Variants in EXOC4 observed in about 807,000 individuals in gnomAD.
The protein encoded by EXOC4 is exocyst complex component 4, also known as SEC8-like 1.
In EXOC4, 71 loss-of-function variants were observed where a neutral mutation model predicts 107.2. The observed-to-expected ratio is 0.66, with a 90% CI of 0.55 to 0.81. EXOC4 has a LOEUF of 0.81. Ranked by LOEUF, EXOC4 falls within the 30% of genes least tolerant of loss-of-function variation. The probability of loss-of-function intolerance (pLI) is 0.00; values close to 1 mark genes in which losing one functional copy is unlikely to be tolerated. For synonymous variants in EXOC4, 456 were observed against 441.2 expected (o/e 1.03, Z -0.42); for missense variants, 1,108 against 1,189.6 (o/e 0.93, Z 1.01).
chr7:133,283,770 C>A (rs542638776), intron 2 of EXOC4, among the ~76,000 whole-genome samples: 2 of 152,200 alleles, frequency 1.3e-5, no homozygotes, highest in Non-Finnish European at 2.9e-5. Flanking sequence ...TCTCTCACAT[C>A]CTGCTCCAAG....
At chr7:133,493,405 C>A (rs1057225106) in intron 9 of EXOC4, among the ~76,000 whole-genome samples, 1 of 152,146 alleles carries the variant, frequency 6.6e-6, no homozygotes, top group Non-Finnish European at 1.5e-5. Flanking sequence ...CCATTGCACT[C>A]CGGCCTGGGC....
intron 5 of EXOC4, among the ~76,000 whole-genome samples, chr7:133,330,262 G>A (rs1265807243): frequency 1.3e-5 from 2 of 152,082 alleles, no homozygotes; most frequent in African/African-American, 2.4e-5. Context: ...AATGGCAGAC[G>A]CCCCTCCCCC....
chr7:133,647,204 A>G (rs1428273149), intron 10 of EXOC4, among the ~76,000 whole-genome samples: 3 of 152,214 alleles, frequency 2.0e-5, no homozygotes, highest in African/African-American at 7.2e-5. Context: ...TGGATCATAT[A>G]CAAGAAAGTA....
At chr7:133,897,296 C>G (rs929123259) in intron 12 of EXOC4, among the ~76,000 whole-genome samples, 1 of 152,004 alleles carries the variant, frequency 6.6e-6, no homozygotes, top group African/African-American at 2.4e-5. Flanking sequence ...TCCCAATAAC[C>G]TTTTATGTTC....
chr7:133,575,931 T>C (rs10954419), intron 9 of EXOC4, among the ~76,000 whole-genome samples: 95,501 of 151,998 alleles, frequency 0.63, 31,123 homozygotes, highest in South Asian at 0.73. Context: ...GAAAAGGGCT[T>C]TGGTAATTGC....
intron 10 of EXOC4, among the ~76,000 whole-genome samples, chr7:133,747,781 T>A (rs1415600219): frequency 6.6e-6 from 1 of 152,054 alleles, no homozygotes; most frequent in Non-Finnish European, 1.5e-5. Context: ...ACTCTGTTGC[T>A]CCCCGCTCCT....
intron 13 of EXOC4, among the ~76,000 whole-genome samples, chr7:133,925,205 G>A (rs748213914): frequency 8.6e-5 from 13 of 152,026 alleles, no homozygotes; most frequent in Middle Eastern, 3.4e-3. Flanking sequence ...TAAAGGTTAC[G>A]TTCCCTTCAT....
At chr7:133,770,436 G>C (rs1796222604) in intron 10 of EXOC4, among the ~76,000 whole-genome samples, 1 of 151,874 alleles carries the variant, frequency 6.6e-6, no homozygotes. Context: ...AGTTGTTGCT[G>C]TAAACCATAA....
chr7:133,421,008 A>G (rs1797592060), intron 7 of EXOC4, among the ~76,000 whole-genome samples: 1 of 151,414 alleles, frequency 6.6e-6, no homozygotes, highest in Admixed American at 6.6e-5. Context: ...TTCCATTTTG[A>G]TGATAGGGGT....
At chr7:133,700,235 T>C (rs1236006372) in intron 10 of EXOC4, among the ~76,000 whole-genome samples, 2 of 152,198 alleles carry the variant, frequency 1.3e-5, no homozygotes, top group African/African-American at 4.8e-5. Context: ...ACCAAAGAGA[T>C]TGATTTAACA....
chr7:133,394,689 G>T (rs772739692), intron 7 of EXOC4, among the ~76,000 whole-genome samples: 4 of 152,066 alleles, frequency 2.6e-5, no homozygotes, highest in Admixed American at 6.6e-5. Context: ...CATAATCAAA[G>T]AATTAAACAT....
chr7:133,606,680 A>C (rs1801956833), intron 9 of EXOC4, among the ~76,000 whole-genome samples: 1 of 151,576 alleles, frequency 6.6e-6, no homozygotes, highest in South Asian at 2.1e-4. Context: ...ACACCTGGCT[A>C]ATTTTTTGTA....
At chr7:133,817,919 T>C (rs1797413797) in intron 11 of EXOC4, among the ~76,000 whole-genome samples, 1 of 152,186 alleles carries the variant, frequency 6.6e-6, no homozygotes. Flanking sequence ...CAACTTCAAT[T>C]ACCAGCAGGA....
chr7:133,732,371 CTGATGGGT>C (rs1276492147), intron 10 of EXOC4: 1 of 152,274 alleles, frequency 6.6e-6, no homozygotes, highest in Non-Finnish European at 1.5e-5. Flanking sequence ...GTGCAGCAAA[CTGATGGGT>C]TGATAGGTGC....
chr7:134,089,850 A>G, the EXOC4 span, among the ~76,000 whole-genome samples: 4 of 152,152 alleles, frequency 2.6e-5, no homozygotes, highest in Non-Finnish European at 4.4e-5. Flanking sequence ...CTAATTCCAC[A>G]TGTCCCCAGG....
At chr7:133,435,689 A>G (rs899792702) in intron 7 of EXOC4, among the ~76,000 whole-genome samples, 1 of 152,146 alleles carries the variant, frequency 6.6e-6, no homozygotes, top group African/African-American at 2.4e-5. Context: ...AAACACCTTT[A>G]TTGTAGAATT....
At chr7:134,051,611 G>A (rs2116582015) in intron 17 of EXOC4, among the ~76,000 whole-genome samples, 1 of 151,918 alleles carries the variant, frequency 6.6e-6, no homozygotes, top group Admixed American at 6.6e-5. Flanking sequence ...GGCAGAGGTT[G>A]CAGTGAGCCG....
At chr7:133,896,142 T>G (rs1387519510) in intron 12 of EXOC4, among the ~76,000 whole-genome samples, 3 of 152,206 alleles carry the variant, frequency 2.0e-5, no homozygotes, top group Non-Finnish European at 4.4e-5. Flanking sequence ...ATATTCTTCC[T>G]GATATTTAAT....
chr7:133,835,595 C>T (rs772670179), intron 11 of EXOC4, among the ~76,000 whole-genome samples: 20 of 152,262 alleles, frequency 1.3e-4, no homozygotes, highest in Non-Finnish European at 2.4e-4. Flanking sequence ...CAGTTTCCAG[C>T]TTCGCTTTCT....
Sources: allele counts gnomAD v4.1 joint callset (sites outside exome capture counted in the v4.1 genomes callset), GRCh38; gene constraint gnomAD v4.1.1; transcripts MANE v1.5; gene names NCBI Gene and HGNC (gene_info 2026-07-23, HGNC 2026-07-21).